SVEP1: variants seen among roughly 807,000 people sequenced by gnomAD.
SVEP1 encodes the protein sushi, von Willebrand factor type A, EGF and pentraxin domain containing 1.
A neutral mutation model predicts 367.3 loss-of-function variants in SVEP1; 164 were observed. The ratio of observed to expected loss-of-function variants is 0.45; its 90% CI spans 0.39 to 0.51. The LOEUF (loss-of-function observed/expected upper bound fraction) is 0.51. Among genes scored for constraint, SVEP1 ranks in the 20% least tolerant of loss-of-function variants. SVEP1 has a pLI of 0.00. For synonymous variants in SVEP1, 1,666 were observed against 1,611.6 expected, an observed-to-expected ratio of 1.03 and a Z score of -0.81; for missense variants, 4,117 against 4,425.3, an observed-to-expected ratio of 0.93 and a Z score of 1.98.
At chr9:110,483,109 A>AT (rs1564155394) in intron 10 of SVEP1, among the ~76,000 whole-genome samples, 1 of 152,186 alleles carries the variant, frequency 6.6e-6, no homozygotes, top group Non-Finnish European at 1.5e-5. Context: ...CTTAATTTGC[A>AT]TTTTTTGTTG....
intron 45 of SVEP1, 139 bp downstream of exon 45, chr9:110,377,132 G>A: frequency 1.7e-6 from 1 of 599,742 alleles, no homozygotes; most frequent in South Asian, 2.7e-5. Context: ...TGACACATAT[G>A]TGCTCTGTTT....
chr9:110,474,665 G>A (rs34772950), intron 14 of SVEP1, among the ~76,000 whole-genome samples: 9,074 of 151,980 alleles, frequency 0.06, 395 homozygotes, highest in Non-Finnish European at 0.086. Context: ...AACAGAAGAG[G>A]GTTGATTATT....
chr9:110,432,078 C>A, intron 31 of SVEP1, 44 bp from the exon 32 acceptor site: 2 of 1,551,486 alleles, frequency 1.3e-6, no homozygotes, highest in Middle Eastern at 1.7e-4. Flanking sequence ...GATTCCTTTT[C>A]CGTATGTATC....
chr9:110,423,082 G>C (rs1454207002), intron 36 of SVEP1, among the ~76,000 whole-genome samples: 1 of 129,402 alleles, frequency 7.7e-6, no homozygotes, highest in Non-Finnish European at 1.6e-5. Context: ...TAACTAACCT[G>C]CACAATGTGC....
At chr9:110,499,739 A>C (rs1206159893) in intron 6 of SVEP1, among the ~76,000 whole-genome samples, 1 of 152,232 alleles carries the variant, frequency 6.6e-6, no homozygotes, top group Non-Finnish European at 1.5e-5. Flanking sequence ...TATATTTAGC[A>C]CAGAAAAAGA....
intron 1 of SVEP1, among the ~76,000 whole-genome samples, chr9:110,555,031 C>G (rs1322548383): frequency 1.3e-5 from 2 of 152,132 alleles, no homozygotes; most frequent in Non-Finnish European, 2.9e-5. Context: ...ACCATCCTTG[C>G]TCTTTACCAA....
chr9:110,466,331 G>A (rs1828936167), intron 17 of SVEP1, among the ~76,000 whole-genome samples: 2 of 152,172 alleles, frequency 1.3e-5, no homozygotes, highest in African/African-American at 4.8e-5. Context: ...AGGACACTAT[G>A]ATAGGAACAA....
chr9:110,545,922 T>G (rs1468653911), intron 3 of SVEP1, among the ~76,000 whole-genome samples, 193 bp downstream of exon 3: 1 of 152,160 alleles, frequency 6.6e-6, no homozygotes, highest in Non-Finnish European at 1.5e-5. Flanking sequence ...CCAGCTGAGA[T>G]CAGCCAGCAG....
intron 16 of SVEP1, among the ~76,000 whole-genome samples, chr9:110,470,740 C>T (rs1285062884): frequency 6.7e-6 from 1 of 149,940 alleles, no homozygotes; most frequent in Non-Finnish European, 1.5e-5. Flanking sequence ...CTGGCCTCCA[C>T]TTACTGTCTT....
chr9:110,404,421 A>G lies in SVEP1; in HGVS notation c.9572T>C (p.Leu3191Pro). ...CPLPENITHI[L>P]VHGDDFSVNR... The stretch of plus-strand genomic sequence containing the variant: ...CACACTGAAATCGTCCCCATGTACA[A>G]GTATATGTGTTATGTTTTCCGGGAG... The change falls in exon 39 of 48, where the codon CTT (leucine) becomes CCT (proline). Residue 3191 changes from leucine to proline, a missense_variant. Transcript: ENST00000374469. 6.2e-7 allele frequency: 1 copy of G among 1,614,016 alleles called. No homozygotes were observed. The highest frequency in any genetic ancestry group is 8.5e-7 in the Non-Finnish European group (1 of 1,179,898).
intron 5 of SVEP1, among the ~76,000 whole-genome samples, chr9:110,508,760 C>CAAAAAAAAAA (rs11316319): frequency 3.0e-4 from 23 of 76,470 alleles, no homozygotes; most frequent in Non-Finnish European, 4.0e-4. Flanking sequence ...GACTCCATCT[C>CAAAAAAAAAA]AAAAAAAAAA....
At chr9:110,560,770 C>A (rs1481257918) in intron 1 of SVEP1, among the ~76,000 whole-genome samples, 2 of 152,136 alleles carry the variant, frequency 1.3e-5, no homozygotes, top group Non-Finnish European at 2.9e-5. Context: ...CATTTAGTAA[C>A]CATCCAGATG....
rs369940441 is a variant in SVEP1 at position 110,520,095 on chromosome 9, A to C, written c.965-5989T>G. ...TAGTATTACTCTCCAAAATCTTTTAAATAATCAAGAGTTTAAAACACTGGC... is the reference window on the plus strand; with the variant it reads ...TAGTATTACTCTCCAAAATCTTTTACATAATCAAGAGTTTAAAACACTGGC... On this transcript the variant is annotated intron_variant, in intron 3 of 47. Coordinates refer to ENST00000374469, the MANE Select transcript of SVEP1 (RefSeq NM_153366.4). Among the ~76,000 whole-genome samples, 60 of 152,318 alleles carry C rather than the reference A, an allele frequency of 3.9e-4. No individual in the cohort carries two copies. The South Asian group carries it at 0.012, about 30-fold the overall frequency.
chr9:110,389,653 C>T (rs370146890), intron 40 of SVEP1, 66 bp from the exon 41 acceptor site: 3 of 1,575,924 alleles, frequency 1.9e-6, no homozygotes, highest in African/African-American at 1.4e-5. Context: ...TAAGGAAATG[C>T]AAAGTAATCT....
intron 40 of SVEP1, among the ~76,000 whole-genome samples, chr9:110,396,849 C>T (rs796477975): frequency 1.3e-5 from 2 of 152,080 alleles, no homozygotes; most frequent in Non-Finnish European, 2.9e-5. Flanking sequence ...AGGCAATAAT[C>T]AATAGCTTAC....
At chr9:110,541,979 T>G (rs963343183) in intron 3 of SVEP1, among the ~76,000 whole-genome samples, 2 of 151,306 alleles carry the variant, frequency 1.3e-5, no homozygotes, top group African/African-American at 4.8e-5. Context: ...TATATGCATG[T>G]AGATATGTAT....
chr9:110,426,163 T>G (rs2118539620), intron 36 of SVEP1, among the ~76,000 whole-genome samples: 1 of 152,332 alleles, frequency 6.6e-6, no homozygotes, highest in East Asian at 1.9e-4. Context: ...AAAGATTCCT[T>G]GTTCACTTAA....
rs1314917884 is a variant in SVEP1 at position 110,481,273 on chromosome 9, T to G, written c.2334A>C (p.Pro778=). 6.2e-7 allele frequency: 1 copy of G among 1,603,356 alleles called. No individual in the cohort carries two copies. The highest frequency in any genetic ancestry group is 8.5e-7 in the Non-Finnish European group (1 of 1,174,612). ...AGTCTGGCCATTCAGTGGTATATGTTGGTTTCCAGACGCCATCTTCATAAG... is the reference window on the plus strand; with the variant it reads ...AGTCTGGCCATTCAGTGGTATATGTGGGTTTCCAGACGCCATCTTCATAAG... ...YCAYEDGVWK[P]TYTTEWPDCA... Residue 778 remains proline (P), a synonymous_variant, in exon 12 of 48, where the codon CCA becomes CCC. Coordinates refer to ENST00000374469, the MANE Select transcript of SVEP1 (RefSeq NM_153366.4).
At chr9:110,427,235 T>G (rs999215904) in intron 36 of SVEP1, among the ~76,000 whole-genome samples, 5 of 146,812 alleles carry the variant, frequency 3.4e-5, no homozygotes, top group African/African-American at 1.3e-4. Flanking sequence ...GAGGTGGAGA[T>G]TGCAGTAAGC....
Sources: allele counts gnomAD v4.1 joint callset (sites outside exome capture counted in the v4.1 genomes callset), GRCh38; gene constraint gnomAD v4.1.1; transcripts MANE v1.5; gene names NCBI Gene and HGNC (gene_info 2026-07-23, HGNC 2026-07-21).